CD226: variants seen among roughly 807,000 people sequenced by gnomAD.
CD226 encodes the protein CD226 antigen.
Under a neutral mutation model 34.9 loss-of-function variants are expected in CD226, and 24 were observed. That is an observed-to-expected ratio of 0.69 (90% CI 0.50 to 0.97). CD226 has a LOEUF of 0.97. CD226 is among the 50% of genes least tolerant of loss of function. The pLI is 0.00. For synonymous variants in CD226, 148 were observed against 147.4 expected (o/e 1.00, Z -0.03); for missense variants, 397 against 412.7 (o/e 0.96, Z 0.33).
chr18:69,914,270 TC>T (rs1325880082), intron 2 of CD226, among the ~76,000 whole-genome samples: 2 of 152,184 alleles, frequency 1.3e-5, no homozygotes, highest in Non-Finnish European at 2.9e-5. Flanking sequence ...TTCGACTGCT[TC>T]AAGTCAATCA....
intron 3 of CD226, among the ~76,000 whole-genome samples, chr18:69,885,269 A>C (rs191810368): frequency 6.6e-6 from 1 of 152,216 alleles, no homozygotes; most frequent in African/African-American, 2.4e-5. Context: ...ATGAGAGAAC[A>C]TAAGTGTTCA....
Position 69,946,912 on chromosome 18 carries a change from G to A in CD226, c.204C>T (p.Gly68=), listed in dbSNP as rs780846062. The A allele has an allele frequency of 5.0e-6, 8 of 1,614,152 alleles. No homozygotes were observed. The highest frequency in any genetic ancestry group is 6.8e-6 in the Non-Finnish European group (8 of 1,180,022). Residue 68 remains glycine, a synonymous_variant, in exon 2 of 6, where the codon GGC becomes GGT. Coordinates refer to ENST00000582621, the MANE Select transcript of CD226 (RefSeq NM_001303618.2). ...CAGCATAGGGCTTCCTTATGACCAT[G>A]CCATGAGTAGGGCTGAAAATGGCTA... ...DSIAIFSPTH[G]MVIRKPYAER...
In CD226 at chr18:69,860,849, T is replaced by C. The variant is rs1982776487; in HGVS notation, c.*3465A>G. The stretch of plus-strand genomic sequence containing the variant: ...AAAAAGAAACTTTGTACTCACAATT[T>C]AGCGTCTCCACTTACACTTTATAAG... On this transcript the variant is annotated 3_prime_UTR_variant, in exon 6 of 6. Coordinates refer to ENST00000582621, the MANE Select transcript of CD226 (RefSeq NM_001303618.2). The C allele has an allele frequency of 6.6e-6, 1 of 152,154 alleles. No homozygotes were observed. Among genetic ancestry groups the C allele is most frequent in the African/African-American group, 2.4e-5 (1 of 41,440 alleles). 9.4% of individuals were successfully genotyped at this position (152,154 alleles called of 1,614,324 possible).
chr18:69,902,391 T>G (rs2055198343), intron 2 of CD226, among the ~76,000 whole-genome samples: 1 of 151,970 alleles, frequency 6.6e-6, no homozygotes, highest in Admixed American at 6.6e-5. Context: ...TTTCCACCCT[T>G]CTACCAAGAC....
At chr18:69,935,801 G>A (rs2055646006) in intron 2 of CD226, among the ~76,000 whole-genome samples, 1 of 152,116 alleles carries the variant, frequency 6.6e-6, no homozygotes, top group Non-Finnish European at 1.5e-5. Context: ...TATCAATTCA[G>A]CCAAGCATAC....
At chr18:69,939,894 A>G (rs73972936) in intron 2 of CD226, among the ~76,000 whole-genome samples, 4,344 of 152,284 alleles carry the variant, frequency 0.029, 229 homozygotes, top group African/African-American at 0.1. Flanking sequence ...GCAGCCTGCA[A>G]GCCCACACTG....
chr18:69,940,495 A>C (rs1347087070), intron 2 of CD226, among the ~76,000 whole-genome samples: 4 of 152,414 alleles, frequency 2.6e-5, no homozygotes, highest in Middle Eastern at 3.4e-3. Flanking sequence ...AAATGCTGAC[A>C]GTGATATAAA....
At chr18:69,912,828 A>C (rs1314631614) in intron 2 of CD226, among the ~76,000 whole-genome samples, 1 of 152,214 alleles carries the variant, frequency 6.6e-6, no homozygotes, top group African/African-American at 2.4e-5. Flanking sequence ...AGGGTAGAGA[A>C]GTAAAGAGAA....
intron 2 of CD226, among the ~76,000 whole-genome samples, chr18:69,912,618 A>G (rs1254467406): frequency 2.0e-5 from 3 of 152,222 alleles, no homozygotes; most frequent in Non-Finnish European, 4.4e-5. Context: ...GGATTTGGCT[A>G]TATTTCATGA....
intron 2 of CD226, among the ~76,000 whole-genome samples, chr18:69,925,830 TTC>T (rs2055514239): frequency 2.0e-5 from 3 of 152,152 alleles, no homozygotes; most frequent in African/African-American, 7.2e-5. Flanking sequence ...GAGTATGCAC[TTC>T]TCACCACAGC....
intron 2 of CD226, among the ~76,000 whole-genome samples, chr18:69,899,863 A>C (rs1262323667): frequency 6.6e-6 from 1 of 152,226 alleles, no homozygotes; most frequent in Non-Finnish European, 1.5e-5. Flanking sequence ...TGTGGAAAGC[A>C]GTATGGCAAT....
intron 4 of CD226, among the ~76,000 whole-genome samples, chr18:69,871,731 T>G (rs1340575666): frequency 3.3e-5 from 5 of 152,162 alleles, no homozygotes; most frequent in Non-Finnish European, 5.9e-5. Flanking sequence ...TCCACAAAAT[T>G]TATCAACATC....
At position 69,903,922 on chromosome 18, in the gene CD226, G is replaced by A. The variant is rs367716511; in HGVS notation, c.383-7877C>T. Among the ~76,000 whole-genome samples, 19 of 152,246 alleles carry A rather than the reference G, an allele frequency of 1.2e-4. No homozygotes were observed. The East Asian group carries it at 2.5e-3, about 20-fold the overall frequency. ...AATAGGGAGTAAGGACCATCAGGAC[G>A]ACATCTTGGGTACAGTCTGGGCCTC... On this transcript the variant is annotated intron_variant, in intron 2 of 5. Transcript: ENST00000582621.
At chr18:69,866,123 C>T (rs1449971956) in intron 5 of CD226, among the ~76,000 whole-genome samples, 2 of 152,204 alleles carry the variant, frequency 1.3e-5, no homozygotes, top group East Asian at 3.8e-4. Context: ...AGGAAGCAAG[C>T]TCTTCTGTCC....
chr18:69,929,998 C>T (rs1251919161), intron 2 of CD226, among the ~76,000 whole-genome samples: 1 of 152,142 alleles, frequency 6.6e-6, no homozygotes, highest in East Asian at 1.9e-4. Flanking sequence ...TGAAGGAGGT[C>T]TGGCATCTCT....
rs557411692 is a variant in CD226, at chr18:69,873,216, A to C, written c.758T>G (p.Val253Gly). ...GKTDNQYTLF[V>G]AGGTVLLLLF... ...CAACAATAAAACTGTCCCTCCAGCC[A>C]CAAAGAGGGTATATTGGTTATCGGT... is the stretch of plus-strand genomic sequence containing the variant. The change falls in exon 4 of 6, where the codon GTG (valine) becomes GGG (glycine). Residue 253 changes from valine (V) to glycine (G), a missense_variant. Coordinates refer to ENST00000582621, the MANE Select transcript of CD226 (RefSeq NM_001303618.2). 3.7e-6 allele frequency: 6 copies of C among 1,607,566 alleles called. No individual in the cohort carries two copies. The South Asian group carries it at 6.6e-5, about 18-fold the overall frequency.
At chr18:69,866,406 T>C (rs567747522) in intron 5 of CD226, among the ~76,000 whole-genome samples, 3 of 152,294 alleles carry the variant, frequency 2.0e-5, no homozygotes, top group Admixed American at 2.0e-4. Flanking sequence ...AAGTTTCTAG[T>C]CTTTTAGTTA....
At chr18:69,959,646 T>TC (rs1491065635), upstream of CD226, among the ~76,000 whole-genome samples, 131 of 24,004 alleles carry the variant, frequency 5.5e-3, no homozygotes, top group Non-Finnish European at 0.25. Context: ...AAAACAATCA[T>TC]AGTTATTTTT....
At chr18:69,893,770 G>A (rs972116670) in intron 3 of CD226, among the ~76,000 whole-genome samples, 1 of 152,152 alleles carries the variant, frequency 6.6e-6, no homozygotes, top group African/African-American at 2.4e-5. Flanking sequence ...TAAGTCCAAT[G>A]TATGTCTCAC....
Sources: allele counts gnomAD v4.1 joint callset (sites outside exome capture counted in the v4.1 genomes callset), GRCh38; gene constraint gnomAD v4.1.1; transcripts MANE v1.5; gene names NCBI Gene and HGNC (gene_info 2026-07-23, HGNC 2026-07-21).